TAF2: variants seen among roughly 807,000 people sequenced by gnomAD.
The protein encoded by TAF2 is transcription initiation factor TFIID subunit 2.
Under a neutral mutation model 138.5 loss-of-function variants are expected in TAF2, and 61 were observed. The observed-to-expected ratio is 0.44, with a 90% CI of 0.36 to 0.54. TAF2 has a LOEUF of 0.54. TAF2 is among the 20% of genes least tolerant of loss of function. The pLI, the probability that TAF2 is intolerant of heterozygous loss-of-function variation, is 0.00. For missense variants in TAF2, 1,090 were observed against 1,427.9 expected, an observed-to-expected ratio of 0.76 and a Z score of 3.81; for synonymous variants, 475 against 469.9, an observed-to-expected ratio of 1.01 and a Z score of -0.14.
At chr8:119,776,286 A>C (rs1336958496) in intron 18 of TAF2, among the ~76,000 whole-genome samples, 6 of 152,068 alleles carry the variant, frequency 3.9e-5, no homozygotes, top group South Asian at 2.1e-4. Flanking sequence ...GTTAAACTAA[A>C]GAGGCAATGT....
chr8:119,754,240 A>T (rs1277134588), intron 22 of TAF2, among the ~76,000 whole-genome samples: 6 of 152,222 alleles, frequency 3.9e-5, no homozygotes. Context: ...ACCACTTAAC[A>T]TCTCAATATT....
intron 2 of TAF2, among the ~76,000 whole-genome samples, chr8:119,828,476 T>C (rs913119924): frequency 6.6e-6 from 1 of 152,126 alleles, no homozygotes; most frequent in African/African-American, 2.4e-5. Flanking sequence ...CAGATGCCTC[T>C]CAGATCCCCC....
intron 22 of TAF2, among the ~76,000 whole-genome samples, chr8:119,751,236 C>A (rs997695117): frequency 2.0e-5 from 3 of 152,054 alleles, no homozygotes; most frequent in Admixed American, 6.6e-5. Flanking sequence ...AAAATTATTT[C>A]TTTCAGTGTG....
intron 3 of TAF2, 103 bp from the exon 4 acceptor site, chr8:119,806,504 C>CTGT: frequency 8.0e-6 from 7 of 877,462 alleles, no homozygotes; most frequent in Non-Finnish European, 1.2e-5. Flanking sequence ...AAGTCTCACT[C>CTGT]TGTTGCCCAG....
intron 2 of TAF2, among the ~76,000 whole-genome samples, chr8:119,827,812 C>T (rs1485761439): frequency 5.3e-5 from 8 of 150,658 alleles, no homozygotes; most frequent in Admixed American, 2.6e-4. Flanking sequence ...GGCATGATCT[C>T]GGCTCACTGC....
intron 14 of TAF2, among the ~76,000 whole-genome samples, chr8:119,786,427 C>G (rs1433647993): frequency 1.3e-5 from 2 of 152,064 alleles, no homozygotes; most frequent in African/African-American, 2.4e-5. Context: ...GAATTTTTTT[C>G]TAGTACCAAA....
intron 23 of TAF2, among the ~76,000 whole-genome samples, chr8:119,746,029 C>T (rs927509761): frequency 6.6e-6 from 1 of 152,038 alleles, no homozygotes; most frequent in Non-Finnish European, 1.5e-5. Flanking sequence ...CCTGTTTTCA[C>T]GTGGCTTACC....
chr8:119,760,194 T>C (rs1262743536), intron 20 of TAF2, among the ~76,000 whole-genome samples: 1 of 152,164 alleles, frequency 6.6e-6, no homozygotes, highest in Admixed American at 6.5e-5. Context: ...GTTTTTTCTA[T>C]ATTCATGATG....
At chr8:119,763,204 T>C (rs1821184692) in intron 18 of TAF2, among the ~76,000 whole-genome samples, 1 of 152,200 alleles carries the variant, frequency 6.6e-6, no homozygotes, top group African/African-American at 2.4e-5. Flanking sequence ...AACATTTTTA[T>C]GTTCAAATAC....
intron 25 of TAF2, among the ~76,000 whole-genome samples, chr8:119,735,347 T>C (rs1257557589): frequency 1.3e-5 from 2 of 152,160 alleles, no homozygotes; most frequent in Non-Finnish European, 2.9e-5. Context: ...AATTATACAG[T>C]TGTGTTTCTT....
intron 12 of TAF2, 79 bp from the exon 13 acceptor site, chr8:119,788,983 T>C (rs1323627658): frequency 1.0e-6 from 1 of 1,001,264 alleles, no homozygotes; most frequent in East Asian, 2.4e-5. Context: ...ATGGTATTAA[T>C]AATTTTCAAG....
chr8:119,824,428 C>CAA (rs71304910), intron 2 of TAF2, among the ~76,000 whole-genome samples: 1,347 of 125,614 alleles, frequency 0.011, 21 homozygotes, highest in African/African-American at 0.038. Flanking sequence ...GACTCCGTCT[C>CAA]AAAAAAAAAA....
chr8:119,813,933 T>C (rs1254744931), intron 3 of TAF2, among the ~76,000 whole-genome samples: 1 of 152,080 alleles, frequency 6.6e-6, no homozygotes, highest in East Asian at 1.9e-4. Flanking sequence ...TTAGGCAACA[T>C]AGTGAGACCA....
intron 19 of TAF2, 116 bp downstream of exon 19, chr8:119,762,299 C>A: frequency 1.0e-6 from 1 of 996,196 alleles, no homozygotes; most frequent in South Asian, 1.6e-5. Flanking sequence ...TAGAATCATA[C>A]AGAATTTTAG....
At chr8:119,736,043 C>G (rs937456270) in intron 25 of TAF2, among the ~76,000 whole-genome samples, 3 of 152,150 alleles carry the variant, frequency 2.0e-5, no homozygotes, top group African/African-American at 7.2e-5. Context: ...TCCTTTAATC[C>G]TAAACACCTA....
intron 1 of TAF2, among the ~76,000 whole-genome samples, chr8:119,832,010 T>C (rs957873208): frequency 1.8e-4 from 27 of 152,014 alleles, no homozygotes; most frequent in African/African-American, 6.5e-4. Flanking sequence ...AATACAAAAG[T>C]TAGCCGGGCA....
At chr8:119,781,283 A>T in intron 16 of TAF2, 90 bp from the exon 17 acceptor site, 3 of 1,432,740 alleles carry the variant, frequency 2.1e-6, no homozygotes, top group Non-Finnish European at 2.9e-6. Flanking sequence ...TCAATACTAC[A>T]ACTGGATTGG....
Position 119,806,368 on chromosome 8 carries a change from T to G in TAF2, c.333A>C (p.Ala111=). Reference sequence around the variant, plus strand: ...CAGGGTCCACAGCACTAACTGCAGCTGCATAAGCATTGGAAAAATAATTGA... The same window carrying G: ...CAGGGTCCACAGCACTAACTGCAGCGGCATAAGCATTGGAAAAATAATTGA... ...RNLNYFSNAY[A]AAVSAVDPDA... is the part of the protein sequence containing the mutation. The change falls in exon 4 of 26, where the codon GCA becomes GCC. Residue 111 remains alanine, a synonymous_variant. Transcript: ENST00000378164. 1 of 1,613,908 alleles carries G rather than the reference T, an allele frequency of 6.2e-7. No individual in the cohort carries two copies. Among genetic ancestry groups the G allele is most frequent in the Non-Finnish European group, 8.5e-7 (1 of 1,179,934 alleles).
chr8:119,764,228 T>C (rs575491770), intron 18 of TAF2, among the ~76,000 whole-genome samples: 1 of 152,336 alleles, frequency 6.6e-6, no homozygotes, highest in South Asian at 2.1e-4. Context: ...AGATCATCTA[T>C]GTTTTGGCAT....
Sources: gnomAD v4.1 joint callset for allele counts (sites outside exome capture counted in the v4.1 genomes callset) on GRCh38, gnomAD v4.1.1 for gene constraint, MANE v1.5 for transcripts, NCBI Gene and HGNC (gene_info 2026-07-23, HGNC 2026-07-21) for gene names.